Variants in HECW2 observed in about 807,000 individuals in gnomAD.
HECW2 encodes the protein E3 ubiquitin-protein ligase HECW2.
A neutral mutation model predicts 175.2 loss-of-function variants in HECW2; 61 were observed. The ratio of observed to expected loss-of-function variants is 0.35; its 90% CI spans 0.28 to 0.43. HECW2 has a LOEUF of 0.43. Among genes scored for constraint, HECW2 ranks in the 20% least tolerant of loss-of-function variants. The pLI is 1.00. For missense variants in HECW2, 1,524 were observed against 2,000.5 expected, an observed-to-expected ratio of 0.76 and a Z score of 4.54; for synonymous variants, 671 against 731.0, an observed-to-expected ratio of 0.92 and a Z score of 1.32.
chr2:196,470,756 G>A (rs1575583679), intron 1 of HECW2, among the ~76,000 whole-genome samples: 2 of 151,988 alleles, frequency 1.3e-5, no homozygotes, highest in Non-Finnish European at 2.9e-5. Flanking sequence ...ATTGATATAT[G>A]GAAGCTTTAT....
At chr2:196,586,235 G>A (rs529456709) in intron 1 of HECW2, among the ~76,000 whole-genome samples, 16 of 152,132 alleles carry the variant, frequency 1.1e-4, no homozygotes, top group Non-Finnish European at 2.4e-4. Context: ...GTCTAAGATT[G>A]TGGCATATTG....
chr2:196,260,830 G>A lies in HECW2; in HGVS notation c.3336-2924C>T, dbSNP rs1237993491. Among the ~76,000 whole-genome samples the A allele has an allele frequency of 5.9e-5, 9 of 152,178 alleles. No individual in the cohort carries two copies. The East Asian group carries it at 1.7e-3, about 29-fold the overall frequency. ...CTATAGACCAGTGATTCTCAAACTGGCATCCTTGGTCTACTAGAAATTTGC... is the reference window on the plus strand; with the variant it reads ...CTATAGACCAGTGATTCTCAAACTGACATCCTTGGTCTACTAGAAATTTGC... On this transcript the variant is annotated intron_variant, in intron 17 of 28. Coordinates refer to ENST00000644978, the MANE Select transcript of HECW2 (RefSeq NM_001348768.2).
At chr2:196,346,804 G>T (rs1692968615) in intron 2 of HECW2, among the ~76,000 whole-genome samples, 1 of 151,722 alleles carries the variant, frequency 6.6e-6, no homozygotes, top group South Asian at 2.1e-4. Context: ...TTCGAGACCA[G>T]CCTGGCCAAC....
At position 196,195,593 on chromosome 2, in the gene HECW2, A is replaced by G. The variant is rs1686658366; in HGVS notation, c.*5684T>C. 1 of 152,228 alleles carries G rather than the reference A, an allele frequency of 6.6e-6. No homozygotes were observed. Among genetic ancestry groups the G allele is most frequent in the African/African-American group, 2.4e-5 (1 of 41,462 alleles). The allele number at this position is 152,228 out of a possible 1,614,324, so 9.4% of individuals were successfully genotyped here. On this transcript the variant is annotated 3_prime_UTR_variant, in exon 29 of 29. Transcript: ENST00000644978. ...CTCCATTTGCAACCTCACTCTTAGG[A>G]TTTCACTTTCCAGATTAACAGAGAG...
intron 1 of HECW2, among the ~76,000 whole-genome samples, chr2:196,508,184 T>G (rs1427613222): frequency 6.6e-6 from 1 of 152,234 alleles, no homozygotes; most frequent in Non-Finnish European, 1.5e-5. Context: ...ACTACTTTTC[T>G]TCAGCTAACA....
At chr2:196,404,949 C>T (rs1478404779) in intron 2 of HECW2, among the ~76,000 whole-genome samples, 3 of 149,802 alleles carry the variant, frequency 2.0e-5, no homozygotes, top group African/African-American at 7.4e-5. Context: ...CTCAGCCTCC[C>T]AAGTAGCTGG....
intron 1 of HECW2, among the ~76,000 whole-genome samples, chr2:196,565,226 G>A (rs925633979): frequency 6.6e-6 from 1 of 151,752 alleles, no homozygotes; most frequent in Non-Finnish European, 1.5e-5. Flanking sequence ...CAGAGATCAA[G>A]GAAAAAAATT....
At chr2:196,485,323 T>C (rs1686964672) in intron 1 of HECW2, among the ~76,000 whole-genome samples, 1 of 152,134 alleles carries the variant, frequency 6.6e-6, no homozygotes, top group Non-Finnish European at 1.5e-5. Flanking sequence ...AGACAAAACA[T>C]GGTAGAACAT....
intron 1 of HECW2, among the ~76,000 whole-genome samples, chr2:196,480,844 GT>G (rs2125371308): frequency 6.6e-6 from 1 of 152,286 alleles, no homozygotes; most frequent in African/African-American, 2.4e-5. Flanking sequence ...CCTGACTCAT[GT>G]TTCCCTCTGT....
chr2:196,545,171 A>C (rs76068754), intron 1 of HECW2, among the ~76,000 whole-genome samples: 1 of 152,214 alleles, frequency 6.6e-6, no homozygotes, highest in Non-Finnish European at 1.5e-5. Flanking sequence ...TGCCTATTCA[A>C]ATCTACTCCC....
chr2:196,437,719 G>A (rs149977300), intron 1 of HECW2, among the ~76,000 whole-genome samples: 1 of 152,116 alleles, frequency 6.6e-6, no homozygotes, highest in East Asian at 1.9e-4. Flanking sequence ...ATGAGGTTAG[G>A]CCCATCCAGC....
intron 2 of HECW2, among the ~76,000 whole-genome samples, chr2:196,348,479 CA>C (rs1036174340): frequency 4.7e-5 from 7 of 149,830 alleles, no homozygotes; most frequent in Non-Finnish European, 8.9e-5. Context: ...CCTGTCTCTA[CA>C]AAAAAAAAAT....
At chr2:196,495,302 G>A (rs1176267303) in intron 1 of HECW2, among the ~76,000 whole-genome samples, 2 of 151,854 alleles carry the variant, frequency 1.3e-5, no homozygotes, top group Admixed American at 6.6e-5. Flanking sequence ...TCCCGATCTC[G>A]TGATCTGTCC....
intron 2 of HECW2, among the ~76,000 whole-genome samples, chr2:196,349,751 G>C (rs1338040005): frequency 3.3e-5 from 5 of 152,080 alleles, no homozygotes; most frequent in Admixed American, 6.6e-5. Context: ...TTGGACCCAG[G>C]AGATAAAAGA....
At chr2:196,421,764 T>C (rs1695412896) in intron 2 of HECW2, among the ~76,000 whole-genome samples, 1 of 152,102 alleles carries the variant, frequency 6.6e-6, no homozygotes, top group Non-Finnish European at 1.5e-5. Flanking sequence ...ACAATAAGGG[T>C]AATGTTTCTA....
At chr2:196,339,995 T>G (rs1692688165) in intron 3 of HECW2, among the ~76,000 whole-genome samples, 1 of 152,220 alleles carries the variant, frequency 6.6e-6, no homozygotes. Flanking sequence ...CATCTTAAAT[T>G]CACAAATAGC....
At position 196,292,337 on chromosome 2, in the gene HECW2, G is replaced by A. The variant is rs114745642; in HGVS notation, c.3000+228C>T. ...GGAGAGTTTCCAGGGAGAAGTGAATGCTTTGCCAGCGTCACAGCCCTCCCT... is the reference window on the plus strand; with the variant it reads ...GGAGAGTTTCCAGGGAGAAGTGAATACTTTGCCAGCGTCACAGCCCTCCCT... On this transcript the variant is annotated intron_variant, in intron 14 of 28. Coordinates refer to ENST00000644978, the MANE Select transcript of HECW2 (RefSeq NM_001348768.2). 6.3e-3 allele frequency: 2,893 copies of A among 460,288 alleles called. 21 individuals carry two copies. Among genetic ancestry groups the A allele is most frequent in the Middle Eastern group, 9.6e-3 (17 of 1,768 alleles). 28.5% of individuals were successfully genotyped at this position (460,288 alleles called of 1,614,324 possible).
intron 1 of HECW2, among the ~76,000 whole-genome samples, chr2:196,472,555 T>C (rs1697253187): frequency 6.6e-6 from 1 of 151,496 alleles, no homozygotes; most frequent in East Asian, 1.9e-4. Context: ...TATAGTTACA[T>C]GGAAATTTAA....
In HECW2 at chr2:196,201,405, C is replaced by T; in HGVS notation, c.4608-17G>A. ...GTATGCGCTCTGAAAACACAAGAAA[C>T]AGCACATAGTTTAGAACAGGCCGAG... On this transcript the variant is annotated splice_polypyrimidine_tract_variant and intron_variant, in intron 28 of 28. Coordinates refer to ENST00000644978, the MANE Select transcript of HECW2 (RefSeq NM_001348768.2). 1 of 1,558,116 alleles carries T rather than the reference C, an allele frequency of 6.4e-7. No individual in the cohort carries two copies. The highest frequency in any genetic ancestry group is 8.9e-7 in the Non-Finnish European group (1 of 1,129,108).
Sources: gnomAD v4.1 joint callset for allele counts (sites outside exome capture counted in the v4.1 genomes callset) on GRCh38, gnomAD v4.1.1 for gene constraint, MANE v1.5 for transcripts, NCBI Gene and HGNC (gene_info 2026-07-23, HGNC 2026-07-21) for gene names.